The following PTPRK variants were observed in gnomAD, a reference collection of about 807,000 sequenced individuals.
PTPRK encodes the protein protein tyrosine phosphatase receptor type K.
PTPRK carries 75 observed loss-of-function variants against 178.0 expected under a neutral mutation model. The observed-to-expected ratio is 0.42, with a 90% confidence interval of 0.35 to 0.51. PTPRK has a LOEUF of 0.51. Ranked by LOEUF, PTPRK falls within the 20% of genes least tolerant of loss-of-function variation. The pLI, the probability that PTPRK is intolerant of heterozygous loss-of-function variation, is 0.02. For synonymous variants in PTPRK, 637 were observed against 620.6 expected (o/e 1.03, Z -0.39); for missense variants, 1,441 against 1,797.8 (o/e 0.80, Z 3.59).
At chr6:128,238,330 T>C (rs909746410) in intron 5 of PTPRK, among the ~76,000 whole-genome samples, 1 of 151,532 alleles carries the variant, frequency 6.6e-6, no homozygotes, top group African/African-American at 2.4e-5. Flanking sequence ...TGAAATGGAC[T>C]ATCTACAAAA....
At chr6:128,045,077 G>A (rs1169992220) in intron 13 of PTPRK, among the ~76,000 whole-genome samples, 1 of 151,962 alleles carries the variant, frequency 6.6e-6, no homozygotes. Context: ...AAGTTCAGCT[G>A]ACTTCTTAAG....
chr6:128,081,284 T>C (rs533386788), intron 10 of PTPRK, among the ~76,000 whole-genome samples: 2 of 152,164 alleles, frequency 1.3e-5, no homozygotes, highest in South Asian at 2.1e-4. Context: ...TTTTAAAACA[T>C]TGTTATTTTA....
chr6:128,383,252 A>C (rs1395074027), intron 2 of PTPRK, among the ~76,000 whole-genome samples: 1 of 152,222 alleles, frequency 6.6e-6, no homozygotes, highest in Non-Finnish European at 1.5e-5. Flanking sequence ...ATAAGACGTA[A>C]CATGAAAAAT....
chr6:128,437,155 T>A (rs1584719229), intron 1 of PTPRK, among the ~76,000 whole-genome samples: 1 of 152,206 alleles, frequency 6.6e-6, no homozygotes, highest in Admixed American at 6.5e-5. Context: ...AAGTTAATAG[T>A]GTTAACTAAC....
chr6:128,487,590 G>A lies in PTPRK; in HGVS notation c.100+32669C>T, dbSNP rs575831644. ...AGGGCGGGTCCAGCAGCATACCCAA[G>A]AGGAAGCAATACTACAGAAAGGCCA... On this transcript the variant is annotated intron_variant, in intron 1 of 29. Coordinates refer to ENST00000368226, the MANE Select transcript of PTPRK (RefSeq NM_002844.4). 2.0e-5 allele frequency among the ~76,000 whole-genome samples: 3 copies of A among 152,120 alleles called. No individual in the cohort carries two copies. The South Asian group carries it at 6.3e-4, about 32-fold the overall frequency.
intron 3 of PTPRK, among the ~76,000 whole-genome samples, chr6:128,301,263 T>C (rs1293049430): frequency 6.6e-6 from 1 of 152,146 alleles, no homozygotes; most frequent in Non-Finnish European, 1.5e-5. Flanking sequence ...AATTCATTTT[T>C]CCCAAAATAA....
chr6:128,487,632 A>T (rs1562621910), intron 1 of PTPRK, among the ~76,000 whole-genome samples: 1 of 152,056 alleles, frequency 6.6e-6, no homozygotes, highest in South Asian at 2.1e-4. Context: ...ATGAACAGAC[A>T]GGTGTTCACA....
intron 1 of PTPRK, among the ~76,000 whole-genome samples, chr6:128,474,582 T>A (rs1281678238): frequency 6.6e-6 from 1 of 152,136 alleles, no homozygotes; most frequent in Non-Finnish European, 1.5e-5. Flanking sequence ...AGGTTTTCAA[T>A]GGCTCTGTCC....
chr6:128,256,070 C>T (rs1337253016), intron 3 of PTPRK, among the ~76,000 whole-genome samples: 2 of 152,148 alleles, frequency 1.3e-5, no homozygotes, highest in African/African-American at 2.4e-5. Flanking sequence ...CTAATATTTG[C>T]TGGACTAATA....
At chr6:128,266,013 A>G (rs1188458559) in intron 3 of PTPRK, among the ~76,000 whole-genome samples, 2 of 152,106 alleles carry the variant, frequency 1.3e-5, no homozygotes, top group African/African-American at 4.8e-5. Context: ...ATAGACCCTC[A>G]TTAGACACCA....
At chr6:128,489,031 ATTTC>A (rs1287101200) in intron 1 of PTPRK, among the ~76,000 whole-genome samples, 1 of 152,040 alleles carries the variant, frequency 6.6e-6, no homozygotes, top group Non-Finnish European at 1.5e-5. Flanking sequence ...CATAATTTAC[ATTTC>A]TTTATTTTTA....
rs780019875 is a variant in PTPRK at position 127,970,195 on chromosome 6, T to C, written c.*32A>G. On this transcript the variant is annotated 3_prime_UTR_variant, in exon 30 of 30. Transcript: ENST00000368226. ...CTGGCTCAATAGATGGACAGGTTTC[T>C]TCATGGATGCACTTTAAAGAGTCTC... 1 of 1,564,856 alleles carries C rather than the reference T, an allele frequency of 6.4e-7. No individual in the cohort carries two copies. The highest frequency in any genetic ancestry group is 1.7e-5 in the Admixed American group (1 of 58,074).
At chr6:128,245,424 T>A (rs908456745) in intron 3 of PTPRK, among the ~76,000 whole-genome samples, 1 of 152,188 alleles carries the variant, frequency 6.6e-6, no homozygotes, top group African/African-American at 2.4e-5. Flanking sequence ...CATGGTTCCA[T>A]TAAACCCTTT....
In PTPRK at chr6:128,200,962, T is replaced by C. The variant is rs568910824; in HGVS notation, c.869-16237A>G. 4.4e-3 allele frequency among the ~76,000 whole-genome samples: 655 copies of C among 149,396 alleles called. 2 individuals carry two copies. The highest frequency in any genetic ancestry group is 6.7e-3 in the Non-Finnish European group (450 of 67,432). ...AGGGACAGAGAGTCCAAAATTTTCA[T>C]TGGACTTAATCAAAGATGATTGGGA... On this transcript the variant is annotated intron_variant, in intron 6 of 29. Transcript: ENST00000368226.
At chr6:128,290,055 G>A (rs780642894) in intron 3 of PTPRK, among the ~76,000 whole-genome samples, 5 of 152,038 alleles carry the variant, frequency 3.3e-5, no homozygotes, top group Non-Finnish European at 5.9e-5. Flanking sequence ...CTGAAAAATA[G>A]CCAGCTAAAC....
chr6:128,173,472 G>T (rs180681954), intron 7 of PTPRK, among the ~76,000 whole-genome samples: 1 of 151,854 alleles, frequency 6.6e-6, no homozygotes, highest in Non-Finnish European at 1.5e-5. Context: ...CATGAATCTC[G>T]CAAGAGGAAT....
chr6:128,312,367 T>A, intron 3 of PTPRK, among the ~76,000 whole-genome samples: 1 of 152,148 alleles, frequency 6.6e-6, no homozygotes, highest in African/African-American at 2.4e-5. Context: ...GGGGAAGAGG[T>A]TCCTGTGGAA....
intron 1 of PTPRK, among the ~76,000 whole-genome samples, chr6:128,489,298 T>C (rs950557577): frequency 1.3e-5 from 2 of 152,198 alleles, no homozygotes; most frequent in Non-Finnish European, 2.9e-5. Context: ...GGCTTCATGA[T>C]GGAAAAAAAC....
chr6:128,371,380 A>G (rs981301093), intron 2 of PTPRK, among the ~76,000 whole-genome samples: 3 of 152,232 alleles, frequency 2.0e-5, no homozygotes, highest in African/African-American at 4.8e-5. Context: ...TGATAATTTT[A>G]CGTATTCTCA....
Sources: gnomAD v4.1 joint callset for allele counts (sites outside exome capture counted in the v4.1 genomes callset) on GRCh38, gnomAD v4.1.1 for gene constraint, MANE v1.5 for transcripts, NCBI Gene and HGNC (gene_info 2026-07-23, HGNC 2026-07-21) for gene names.